Variants in GRID2 observed in about 807,000 individuals in gnomAD.
The protein encoded by GRID2 is glutamate receptor ionotropic, delta-2.
In GRID2, 33 loss-of-function variants were observed where a neutral mutation model predicts 114.8. The ratio of observed to expected loss-of-function variants is 0.29; its 90% confidence interval spans 0.22 to 0.38. The LOEUF (loss-of-function observed/expected upper bound fraction) is 0.38, where lower values mean the gene tolerates loss of function less well. GRID2 is among the 10% of genes least tolerant of loss of function. The pLI, the probability that GRID2 is intolerant of heterozygous loss-of-function variation, is 1.00. For missense variants in GRID2, 1,184 were observed against 1,257.7 expected (o/e 0.94, Z 0.89); for synonymous variants, 505 against 449.9 (o/e 1.12, Z -1.55).
intron 2 of GRID2, among the ~76,000 whole-genome samples, chr4:92,854,696 G>A (rs574900890): frequency 3.3e-5 from 5 of 151,840 alleles, no homozygotes; most frequent in South Asian, 4.2e-4. Flanking sequence ...AAAGTTTTAC[G>A]AACAAGTGCA....
intron 14 of GRID2, among the ~76,000 whole-genome samples, chr4:93,699,007 G>T (rs537533923): frequency 6.6e-6 from 1 of 151,998 alleles, no homozygotes; most frequent in African/African-American, 2.4e-5. Flanking sequence ...AATTACATGA[G>T]AAAGTAGGTA....
intron 8 of GRID2, among the ~76,000 whole-genome samples, chr4:93,281,142 A>G (rs907401217): frequency 5.3e-5 from 8 of 151,916 alleles, no homozygotes; most frequent in African/African-American, 1.9e-4. Context: ...AATGAGGGGC[A>G]TGGGGGCACG....
At chr4:93,503,224 G>A (rs1728296379) in intron 12 of GRID2, among the ~76,000 whole-genome samples, 2 of 152,064 alleles carry the variant, frequency 1.3e-5, no homozygotes, top group South Asian at 4.1e-4. Flanking sequence ...CAGCAAGACT[G>A]GAGTTGGCAG....
At chr4:92,340,551 G>T (rs1292657963) in intron 1 of GRID2, among the ~76,000 whole-genome samples, 1 of 152,064 alleles carries the variant, frequency 6.6e-6, no homozygotes, top group East Asian at 1.9e-4. Flanking sequence ...CTTTCACCAT[G>T]TTGTTCTCTC....
At chr4:92,754,813 G>A (rs1737630160) in intron 2 of GRID2, among the ~76,000 whole-genome samples, 1 of 152,096 alleles carries the variant, frequency 6.6e-6, no homozygotes. Context: ...AAAGAGAAAA[G>A]AGAATTTTAT....
At chr4:93,186,234 AT>A (rs1193581039) in intron 4 of GRID2, among the ~76,000 whole-genome samples, 1 of 152,146 alleles carries the variant, frequency 6.6e-6, no homozygotes, top group Non-Finnish European at 1.5e-5. Context: ...TAGTAGCATG[AT>A]TTATATACTT....
intron 2 of GRID2, among the ~76,000 whole-genome samples, chr4:92,591,288 T>TGCTGG: frequency 1.3e-5 from 2 of 152,302 alleles, no homozygotes; most frequent in Admixed American, 1.3e-4. Flanking sequence ...ACACCTAATC[T>TGCTGG]GCTGGGCCCT....
At chr4:93,527,755 G>A (rs1364441284) in intron 13 of GRID2, among the ~76,000 whole-genome samples, 1 of 151,994 alleles carries the variant, frequency 6.6e-6, no homozygotes, top group Non-Finnish European at 1.5e-5. Context: ...TAGGTGTACA[G>A]TTTAGTAGCA....
At chr4:92,398,024 ACTTAC>A (rs996859057) in intron 1 of GRID2, among the ~76,000 whole-genome samples, 3 of 152,146 alleles carry the variant, frequency 2.0e-5, no homozygotes, top group African/African-American at 7.2e-5. Context: ...CTTTTGGAGA[ACTTAC>A]CTTACAAATA....
intron 2 of GRID2, among the ~76,000 whole-genome samples, chr4:92,650,178 TAAGG>T (rs1268087475): frequency 6.6e-6 from 1 of 152,040 alleles, no homozygotes; most frequent in African/African-American, 2.4e-5. Flanking sequence ...TATAACAAAA[TAAGG>T]AGGAAATATT....
At chr4:92,868,090 T>TCTG (rs1745027893) in intron 2 of GRID2, among the ~76,000 whole-genome samples, 2 of 144,194 alleles carry the variant, frequency 1.4e-5, no homozygotes, top group Non-Finnish European at 3.0e-5. Flanking sequence ...CTGTCTGTCT[T>TCTG]TCTTTCTTTC....
intron 2 of GRID2, among the ~76,000 whole-genome samples, chr4:92,762,852 T>G (rs1297602652): frequency 6.6e-6 from 1 of 152,224 alleles, no homozygotes; most frequent in Non-Finnish European, 1.5e-5. Flanking sequence ...TTCTTTCCAG[T>G]CTCCAGGATG....
chr4:92,580,905 T>A (rs1333535542), intron 1 of GRID2, among the ~76,000 whole-genome samples: 2 of 151,216 alleles, frequency 1.3e-5, no homozygotes, highest in Admixed American at 6.6e-5. Flanking sequence ...TTTTTTTTTT[T>A]AAATGCATCA....
At chr4:93,512,387 A>G (rs78130790) in intron 12 of GRID2, among the ~76,000 whole-genome samples, 3,515 of 152,268 alleles carry the variant, frequency 0.023, 123 homozygotes, top group African/African-American at 0.079. Flanking sequence ...TATGAAAAAT[A>G]CAAAGTGACC....
chr4:92,605,232 T>C (rs1729398683), intron 2 of GRID2, among the ~76,000 whole-genome samples: 1 of 152,102 alleles, frequency 6.6e-6, no homozygotes. Context: ...CTTTGGAAAC[T>C]GCTTAATGCT....
At chr4:93,517,978 C>CT (rs1560706285) in intron 13 of GRID2, among the ~76,000 whole-genome samples, 1 of 42,532 alleles carries the variant, frequency 2.4e-5, no homozygotes, top group African/African-American at 1.1e-4. Flanking sequence ...CATACATGTA[C>CT]ATGTATGTAT....
chr4:93,152,798 A>G (rs1579130678), intron 4 of GRID2, among the ~76,000 whole-genome samples: 2 of 152,132 alleles, frequency 1.3e-5, no homozygotes, highest in African/African-American at 4.8e-5. Context: ...GGAAGATATA[A>G]TTTATGGCCA....
intron 11 of GRID2, among the ~76,000 whole-genome samples, chr4:93,458,240 A>C (rs1723389642): frequency 6.6e-6 from 1 of 152,208 alleles, no homozygotes. Flanking sequence ...AAATGAAATT[A>C]AGGCTTGAAA....
chr4:92,693,851 T>A (rs572343861), intron 2 of GRID2, among the ~76,000 whole-genome samples: 1 of 152,284 alleles, frequency 6.6e-6, no homozygotes, highest in Non-Finnish European at 1.5e-5. Context: ...TTAAAATGTA[T>A]GAGAAGATAA....
Sources: allele counts gnomAD v4.1 joint callset (sites outside exome capture counted in the v4.1 genomes callset), GRCh38; gene constraint gnomAD v4.1.1; transcripts MANE v1.5; gene names NCBI Gene and HGNC (gene_info 2026-07-23, HGNC 2026-07-21).